The following SLC44A1 variants were observed in gnomAD, a reference collection of about 807,000 sequenced individuals.
The protein encoded by SLC44A1 is choline transporter-like protein 1.
In SLC44A1, 26 loss-of-function variants were observed where a neutral mutation model predicts 79.3. The observed-to-expected ratio is 0.33, with a 90% CI of 0.24 to 0.46. The LOEUF is 0.46. Among genes scored for constraint, SLC44A1 ranks in the 20% least tolerant of loss-of-function variants. The pLI is 1.00. For missense variants in SLC44A1, 688 were observed against 798.1 expected, an observed-to-expected ratio of 0.86 and a Z score of 1.66; for synonymous variants, 263 against 286.2, an observed-to-expected ratio of 0.92 and a Z score of 0.82.
chr9:105,284,453 T>G (rs181985290), intron 1 of SLC44A1, among the ~76,000 whole-genome samples: 1 of 152,308 alleles, frequency 6.6e-6, no homozygotes, highest in East Asian at 1.9e-4. Context: ...ATAAGATGAT[T>G]TTTCTAATTC....
At chr9:105,331,105 G>T (rs1826736320) in intron 3 of SLC44A1, among the ~76,000 whole-genome samples, 1 of 152,118 alleles carries the variant, frequency 6.6e-6, no homozygotes, top group African/African-American at 2.4e-5. Flanking sequence ...TCCTCTAAAG[G>T]ATATGAAACT....
At chr9:105,327,614 C>T (rs977446902) in intron 3 of SLC44A1, among the ~76,000 whole-genome samples, 1 of 152,152 alleles carries the variant, frequency 6.6e-6, no homozygotes, top group African/African-American at 2.4e-5. Flanking sequence ...CCTGTCCAGC[C>T]GTCTATGAAC....
At chr9:105,414,950 T>C (rs1307047579) in intron 15 of SLC44A1, among the ~76,000 whole-genome samples, 1 of 151,272 alleles carries the variant, frequency 6.6e-6, no homozygotes, top group African/African-American at 2.4e-5. Context: ...GAAAAGGAGA[T>C]TTTTTTTTCC....
intron 2 of SLC44A1, among the ~76,000 whole-genome samples, chr9:105,302,553 A>G (rs1375594331): frequency 1.3e-5 from 2 of 151,544 alleles, no homozygotes; most frequent in African/African-American, 4.9e-5. Flanking sequence ...GAGTTTCACC[A>G]TGTTGGCCAG....
At chr9:105,437,478 C>A (rs61054726) in intron 15 of SLC44A1, among the ~76,000 whole-genome samples, 2,077 of 151,930 alleles carry the variant, frequency 0.014, 45 homozygotes, top group African/African-American at 0.048. Context: ...CTCTCTCTCT[C>A]TCTATATATA....
chr9:105,262,599 T>C (rs1336327353), intron 1 of SLC44A1, among the ~76,000 whole-genome samples: 2 of 152,236 alleles, frequency 1.3e-5, no homozygotes, highest in Non-Finnish European at 2.9e-5. Context: ...GTTGCTCTTA[T>C]GTGTTTATGA....
chr9:105,416,296 A>T (rs551865270), intron 15 of SLC44A1, among the ~76,000 whole-genome samples: 1 of 133,354 alleles, frequency 7.5e-6, no homozygotes, highest in Non-Finnish European at 1.6e-5. Flanking sequence ...AGGCAAGATA[A>T]AAAAAAAAAA....
rs1343818476 is a variant in SLC44A1, at chr9:105,278,062, CCTT to C, written c.37-21154_37-21152del. Among the ~76,000 whole-genome samples the C allele has an allele frequency of 3.8e-4, 57 of 150,030 alleles. 1 individual carries two copies. Among genetic ancestry groups the C allele is most frequent in the African/African-American group, 1.4e-3 (56 of 39,776 alleles). On this transcript the variant is annotated intron_variant, in intron 1 of 15. Coordinates refer to ENST00000374720, the MANE Select transcript of SLC44A1 (RefSeq NM_080546.5). Reference sequence around the variant, plus strand: ...AATACAGGGAGGAATGTATTTGCAGCCTTCTTTTTTTTTTTTTAAGACAGGGTC... The same window carrying C: ...AATACAGGGAGGAATGTATTTGCAGCCTTTTTTTTTTTTTAAGACAGGGTC...
intron 15 of SLC44A1, among the ~76,000 whole-genome samples, chr9:105,414,849 C>T (rs540632902): frequency 5.5e-4 from 84 of 152,238 alleles, no homozygotes; most frequent in Non-Finnish European, 6.9e-4. Flanking sequence ...GATGCATTTT[C>T]ACCACTTTGG....
At chr9:105,347,078 T>G (rs546986455) in intron 4 of SLC44A1, among the ~76,000 whole-genome samples, 1 of 152,180 alleles carries the variant, frequency 6.6e-6, no homozygotes, top group Non-Finnish European at 1.5e-5. Flanking sequence ...ATAAATGAAA[T>G]AAATTTGCTC....
chr9:105,268,730 C>T (rs1224424758), intron 1 of SLC44A1, among the ~76,000 whole-genome samples: 3 of 148,100 alleles, frequency 2.0e-5, no homozygotes, highest in African/African-American at 7.9e-5. Context: ...GAACTCCAAC[C>T]TCAGGTGATC....
Position 105,392,611 on chromosome 9 carries a change from T to C in SLC44A1, c.*3555T>C, listed in dbSNP as rs1013171550. 9.1e-6 allele frequency: 9 copies of C among 985,226 alleles called. No individual in the cohort carries two copies. In the African/African-American group the frequency reaches 1.6e-4, roughly 17 times the overall value. The allele number at this position is 985,226 out of a possible 1,614,324, so 61.0% of individuals were successfully genotyped here. A position where few individuals can be genotyped will look rare whatever the true frequency, so the allele number is the denominator to read the frequency against. On this transcript the variant is annotated 3_prime_UTR_variant, in exon 16 of 16. Coordinates refer to ENST00000374720, the MANE Select transcript of SLC44A1 (RefSeq NM_080546.5). ...TTAGAGCAGAGTTAATACCTCTCCCTCCCTCTTCAAAACAGCTACAGGAAC... is the reference window on the plus strand; with the variant it reads ...TTAGAGCAGAGTTAATACCTCTCCCCCCCTCTTCAAAACAGCTACAGGAAC...
At chr9:105,316,547 G>A (rs10991620) in intron 3 of SLC44A1, among the ~76,000 whole-genome samples, 23,205 of 152,020 alleles carry the variant, frequency 0.15, 1,847 homozygotes, top group Non-Finnish European at 0.18. Flanking sequence ...TTTTTCCTAA[G>A]TTTTCTATAA....
At chr9:105,262,987 A>G (rs551611294) in intron 1 of SLC44A1, among the ~76,000 whole-genome samples, 68 of 152,366 alleles carry the variant, frequency 4.5e-4, no homozygotes, top group African/African-American at 1.5e-3. Flanking sequence ...ATAAAAGGAA[A>G]AAGAAGCACA....
chr9:105,251,294 A>G (rs1039381119), intron 1 of SLC44A1, among the ~76,000 whole-genome samples: 2 of 152,076 alleles, frequency 1.3e-5, no homozygotes, highest in African/African-American at 4.8e-5. Flanking sequence ...CCTGTAGGGA[A>G]CCTGCCTCTC....
chr9:105,250,700 G>A (rs1353466570), intron 1 of SLC44A1, among the ~76,000 whole-genome samples: 1 of 152,130 alleles, frequency 6.6e-6, no homozygotes, highest in Non-Finnish European at 1.5e-5. Flanking sequence ...TGTCCTTTCT[G>A]TAGTACAGTA....
At position 105,244,902 on chromosome 9, in the gene SLC44A1, C is replaced by G; in HGVS notation, c.34C>G (p.Gln12Glu). 8.5e-7 allele frequency: 1 copy of G among 1,182,390 alleles called. No individual in the cohort carries two copies. The highest frequency in any genetic ancestry group is 1.0e-6 in the Non-Finnish European group (1 of 957,316). The allele number at this position is 1,182,390 out of a possible 1,614,324, so 73.2% of individuals were successfully genotyped here. Residue 12 changes from glutamine to glutamate, a missense_variant and splice_region_variant, in exon 1 of 16, where the codon CAG becomes GAG. Gln to Glu is a conservative substitution (Grantham distance 29). Transcript: ENST00000374720. ...CTGCAGCTCCGCCTCCTCCGCCGCG[C>G]AGGTGAGGGGCTCCCGCCTCCCGGC... ...GCCSSASSAA[Q>E]SSKREWKPLE...
At chr9:105,327,534 C>T (rs886211770) in intron 3 of SLC44A1, among the ~76,000 whole-genome samples, 7 of 152,120 alleles carry the variant, frequency 4.6e-5, no homozygotes, top group African/African-American at 1.2e-4. Context: ...CTGCCCACCT[C>T]GGCCTCCCAA....
intron 15 of SLC44A1, among the ~76,000 whole-genome samples, chr9:105,418,132 G>C (rs1445924371): frequency 2.0e-5 from 3 of 152,072 alleles, no homozygotes; most frequent in Middle Eastern, 3.4e-3. Context: ...CCTGGCCATG[G>C]TGAAACTCCA....
Sources: allele counts gnomAD v4.1 joint callset (sites outside exome capture counted in the v4.1 genomes callset), GRCh38; gene constraint gnomAD v4.1.1; transcripts MANE v1.5; gene names NCBI Gene and HGNC (gene_info 2026-07-23, HGNC 2026-07-21).